TET3: variants seen among roughly 807,000 people sequenced by gnomAD.
TET3 encodes methylcytosine dioxygenase TET3.
A neutral mutation model predicts 141.4 loss-of-function variants in TET3; 19 were observed. The observed-to-expected ratio is 0.13, with a 90% CI of 0.09 to 0.20. The LOEUF is 0.20. TET3 is among the 10% of genes least tolerant of loss of function. The probability of loss-of-function intolerance (pLI) is 1.00; values close to 1 mark genes in which losing one functional copy is unlikely to be tolerated. For synonymous variants in TET3, 1,043 were observed against 980.9 expected, an observed-to-expected ratio of 1.06 and a Z score of -1.18; for missense variants, 1,874 against 2,356.9, an observed-to-expected ratio of 0.80 and a Z score of 4.24.
At chr2:74,077,293 G>A (rs1361804538) in intron 5 of TET3, among the ~76,000 whole-genome samples, 2 of 152,200 alleles carry the variant, frequency 1.3e-5, no homozygotes, top group African/African-American at 4.8e-5. Flanking sequence ...CCCCACCTGA[G>A]TTTCTGACCC....
Position 74,099,571 on chromosome 2 carries a change from A to G in TET3, c.3563A>G (p.Lys1188Arg). The change falls in exon 11 of 12, where the codon AAG (lysine) becomes AGG (arginine). Residue 1188 changes from lysine to arginine, a missense_variant. Transcript: ENST00000409262. ...AAGCTGAGCACTCCGGAGAAGATCA[A>G]GCAGGAGGCCCTGGAGCTGGCGGGC... ...KEKLSTPEKI[K>R]QEALELAGIT... is the part of the protein sequence containing the mutation. The G allele has an allele frequency of 6.2e-7, 1 of 1,603,360 alleles. No homozygotes were observed. Among genetic ancestry groups the G allele is most frequent in the Non-Finnish European group, 8.5e-7 (1 of 1,174,056 alleles).
chr2:74,024,614 C>T (rs950045999), intron 3 of TET3, among the ~76,000 whole-genome samples: 1 of 152,092 alleles, frequency 6.6e-6, no homozygotes. Context: ...AGTCAGAGAA[C>T]TTGAGTTCTG....
intron 3 of TET3, among the ~76,000 whole-genome samples, chr2:74,036,250 C>T (rs189223216): frequency 1.1e-3 from 166 of 152,262 alleles, no homozygotes; most frequent in African/African-American, 3.9e-3. Context: ...AGTGGTGGGG[C>T]CACGATTCAA....
At chr2:74,099,653 C>T (rs1691054912) in intron 11 of TET3, 41 bp downstream of exon 11, 5 of 1,499,566 alleles carry the variant, frequency 3.3e-6, no homozygotes, top group African/African-American at 2.8e-5. Flanking sequence ...CACAATGGCA[C>T]TGTCCTCATG....
intron 4 of TET3, among the ~76,000 whole-genome samples, chr2:74,054,296 G>C (rs1478957133): frequency 6.6e-6 from 1 of 151,384 alleles, no homozygotes; most frequent in Non-Finnish European, 1.5e-5. Context: ...AAAGGAGGAG[G>C]GGAGGGGGCA....
At chr2:73,999,571 C>G (rs1684747457) in intron 2 of TET3, among the ~76,000 whole-genome samples, 1 of 152,070 alleles carries the variant, frequency 6.6e-6, no homozygotes. Flanking sequence ...TTTTGTGTGT[C>G]CTGAAAGCGA....
chr2:74,116,307 C>G, the TET3 span, among the ~76,000 whole-genome samples: 1 of 152,046 alleles, frequency 6.6e-6, no homozygotes, highest in Non-Finnish European at 1.5e-5. Context: ...GGAGGTTCCT[C>G]AAAAAGTACA....
the TET3 span, among the ~76,000 whole-genome samples, chr2:74,119,750 G>A: frequency 6.6e-6 from 1 of 152,160 alleles, no homozygotes; most frequent in African/African-American, 2.4e-5. Flanking sequence ...CACGATTGCT[G>A]CAAAATGGTG....
At chr2:74,007,639 T>C (rs775720168) in intron 3 of TET3, among the ~76,000 whole-genome samples, 26 of 152,150 alleles carry the variant, frequency 1.7e-4, no homozygotes, top group Non-Finnish European at 3.1e-4. Flanking sequence ...CAGTTGTTAG[T>C]TTCCTTCCAC....
At chr2:74,085,056 G>GATGGTTGC (rs1040233970) in intron 6 of TET3, among the ~76,000 whole-genome samples, 3 of 151,874 alleles carry the variant, frequency 2.0e-5, no homozygotes, top group Non-Finnish European at 2.9e-5. Flanking sequence ...GGGTGGTTGT[G>GATGGTTGC]ATGGTTGCAC....
chr2:74,055,325 GT>G (rs1688157554), intron 4 of TET3, among the ~76,000 whole-genome samples: 1 of 152,178 alleles, frequency 6.6e-6, no homozygotes, highest in Non-Finnish European at 1.5e-5. Context: ...TGTCAAATGG[GT>G]TTAGGAATGA....
At chr2:73,987,601 G>T (rs1684103267) in intron 2 of TET3, among the ~76,000 whole-genome samples, 1 of 152,226 alleles carries the variant, frequency 6.6e-6, no homozygotes. Context: ...GAGCGGTGTA[G>T]CCGCTGAGGT....
At chr2:74,007,617 G>C (rs989818690) in intron 3 of TET3, among the ~76,000 whole-genome samples, 1 of 152,174 alleles carries the variant, frequency 6.6e-6, no homozygotes, top group Non-Finnish European at 1.5e-5. Context: ...GAGAGGAGGA[G>C]GGTGAGAAGT....
chr2:74,094,890 G>A (rs1244556032), intron 10 of TET3, among the ~76,000 whole-genome samples: 2 of 152,170 alleles, frequency 1.3e-5, no homozygotes, highest in Admixed American at 6.6e-5. Flanking sequence ...CCTGCTAGAC[G>A]TGCAGGTGGA....
At chr2:74,099,173 G>A in intron 10 of TET3, 103 bp from the exon 11 acceptor site, 1 of 1,060,780 alleles carries the variant, frequency 9.4e-7, no homozygotes, top group Non-Finnish European at 1.4e-6. Context: ...TATTGGGATT[G>A]TGTGGGGAAA....
At chr2:74,042,519 C>A (rs542216413) in intron 3 of TET3, among the ~76,000 whole-genome samples, 1 of 152,140 alleles carries the variant, frequency 6.6e-6, no homozygotes. Flanking sequence ...ACATTAACAC[C>A]ATATAGGCAA....
chr2:74,134,149 CACTG>C, the TET3 span, among the ~76,000 whole-genome samples: 303 of 152,318 alleles, frequency 2.0e-3, 1 homozygote, highest in Non-Finnish European at 3.2e-3. Flanking sequence ...TCTCCATTCT[CACTG>C]ACCACTGCCG....
chr2:74,048,875 G>C (rs772604402), intron 4 of TET3, among the ~76,000 whole-genome samples: 4 of 152,198 alleles, frequency 2.6e-5, no homozygotes, highest in Admixed American at 2.6e-4. Flanking sequence ...TGGGTGAGGA[G>C]GATGGTGTCA....
At chr2:73,992,438 C>T (rs1363934147) in intron 2 of TET3, among the ~76,000 whole-genome samples, 1 of 151,910 alleles carries the variant, frequency 6.6e-6, no homozygotes, top group Admixed American at 6.6e-5. Context: ...CTCAGCCTCC[C>T]GAGTAGCTGG....
Sources: allele counts gnomAD v4.1 joint callset (sites outside exome capture counted in the v4.1 genomes callset), GRCh38; gene constraint gnomAD v4.1.1; transcripts MANE v1.5; gene names NCBI Gene and HGNC (gene_info 2026-07-23, HGNC 2026-07-21).